Variants in ZFAT observed in about 807,000 individuals in gnomAD.
ZFAT encodes zinc finger and AT-hook domain containing, also known as zinc finger protein ZFAT.
Under a neutral mutation model 117.7 loss-of-function variants are expected in ZFAT, and 64 were observed. That is an observed-to-expected ratio of 0.54 (90% confidence interval 0.44 to 0.67). ZFAT has a LOEUF of 0.67. ZFAT is among the 30% of genes least tolerant of loss of function. The pLI is 0.00. For synonymous variants in ZFAT, 679 were observed against 615.0 expected, an observed-to-expected ratio of 1.10 and a Z score of -1.54; for missense variants, 1,433 against 1,584.5, an observed-to-expected ratio of 0.90 and a Z score of 1.62.
chr8:134,481,774 A>C (rs532099905), intron 15 of ZFAT, among the ~76,000 whole-genome samples: 5 of 152,180 alleles, frequency 3.3e-5, no homozygotes, highest in Non-Finnish European at 7.4e-5. Context: ...AGCGTGCCTG[A>C]CCTGAAGGTA....
chr8:134,779,651 G>C, the ZFAT span, among the ~76,000 whole-genome samples: 3 of 152,078 alleles, frequency 2.0e-5, no homozygotes, highest in Non-Finnish European at 4.4e-5. Context: ...AAAAATCATT[G>C]CCAAAAGACA....
intron 9 of ZFAT, among the ~76,000 whole-genome samples, chr8:134,587,658 G>A (rs73365329): frequency 0.012 from 1,803 of 152,256 alleles, 40 homozygotes; most frequent in African/African-American, 0.041. Flanking sequence ...TGCCCTAGTA[G>A]AATCTTCACT....
At chr8:134,798,964 T>C in the ZFAT span, among the ~76,000 whole-genome samples, 3 of 152,176 alleles carry the variant, frequency 2.0e-5, no homozygotes, top group Non-Finnish European at 4.4e-5. Flanking sequence ...TTGTAATGCA[T>C]TGCAATATGT....
intron 13 of ZFAT, among the ~76,000 whole-genome samples, chr8:134,520,651 T>A (rs1289354968): frequency 1.3e-5 from 2 of 152,000 alleles, no homozygotes; most frequent in East Asian, 3.9e-4. Context: ...AACACAAACT[T>A]TCACAAGAGA....
At chr8:134,751,241 T>C in the ZFAT span, among the ~76,000 whole-genome samples, 1 of 152,158 alleles carries the variant, frequency 6.6e-6, no homozygotes, top group Non-Finnish European at 1.5e-5. Flanking sequence ...GAGTTGGGAT[T>C]CAAGTGGTCT....
the ZFAT span, among the ~76,000 whole-genome samples, chr8:134,790,471 G>A: frequency 0.031 from 4,778 of 152,144 alleles, 240 homozygotes; most frequent in African/African-American, 0.11. Context: ...TAGCCGTTAG[G>A]GGGTAATTTG....
chr8:134,713,894 TCAA>T (rs1385302455), upstream of ZFAT, among the ~76,000 whole-genome samples: 12 of 134 alleles, frequency 0.09, no homozygotes, highest in Admixed American at 0.25. Context: ...CTTACCTCTG[TCAA>T]TGGTCACCCC....
rs188020381 is a variant in ZFAT, at chr8:134,700,507, G to A, written c.19+12338C>T. On this transcript the variant is annotated intron_variant, in intron 1 of 15. Coordinates refer to ENST00000377838, the MANE Select transcript of ZFAT (RefSeq NM_020863.4). Reference sequence around the variant, plus strand: ...TGGCACCTCCAGCAGGAGAGCAGCCGGCTGAGCACACTCCCCTCCCTCCAC... The same window carrying A: ...TGGCACCTCCAGCAGGAGAGCAGCCAGCTGAGCACACTCCCCTCCCTCCAC... Among the ~76,000 whole-genome samples, 107 of 152,288 alleles carry A rather than the reference G, an allele frequency of 7.0e-4. No individual in the cohort carries two copies. In the South Asian group the frequency reaches 0.01, roughly 14 times the overall value.
intron 11 of ZFAT, among the ~76,000 whole-genome samples, chr8:134,548,272 T>C (rs573139774): frequency 4.1e-4 from 63 of 152,324 alleles, no homozygotes; most frequent in African/African-American, 1.4e-3. Flanking sequence ...ATATAACCCA[T>C]TGATGCTGTT....
intron 1 of ZFAT, among the ~76,000 whole-genome samples, chr8:134,671,378 G>A (rs531331666): frequency 2.2e-4 from 33 of 152,130 alleles, no homozygotes; most frequent in East Asian, 5.8e-4. Context: ...AACCGAATCC[G>A]GCAGCACATC....
At chr8:134,752,701 G>A in the ZFAT span, among the ~76,000 whole-genome samples, 1 of 152,128 alleles carries the variant, frequency 6.6e-6, no homozygotes, top group Non-Finnish European at 1.5e-5. Flanking sequence ...TTTGATGTCT[G>A]GTGAGAACTC....
intron 3 of ZFAT, among the ~76,000 whole-genome samples, chr8:134,629,565 G>A: frequency 6.6e-6 from 1 of 152,048 alleles, no homozygotes; most frequent in East Asian, 1.9e-4. Flanking sequence ...TCATGGGGGT[G>A]GATTTCCTCC....
At chr8:134,623,416 C>T (rs191747091) in intron 3 of ZFAT, among the ~76,000 whole-genome samples, 32 of 152,340 alleles carry the variant, frequency 2.1e-4, no homozygotes, top group African/African-American at 7.5e-4. Context: ...CTAGACTCCA[C>T]GTGGGGCGGC....
chr8:134,556,941 T>C (rs1823670410), intron 11 of ZFAT, among the ~76,000 whole-genome samples: 1 of 151,946 alleles, frequency 6.6e-6, no homozygotes, highest in Admixed American at 6.5e-5. Context: ...GCTTTTTTAA[T>C]TTTAAATATT....
At chr8:134,620,133 T>C (rs1194938836) in intron 3 of ZFAT, among the ~76,000 whole-genome samples, 2 of 152,212 alleles carry the variant, frequency 1.3e-5, no homozygotes, top group East Asian at 3.9e-4. Flanking sequence ...ATTTTTGCTT[T>C]CACCACAGGC....
chr8:134,817,811 C>T, the ZFAT span, among the ~76,000 whole-genome samples: 1 of 152,290 alleles, frequency 6.6e-6, no homozygotes, highest in African/African-American at 2.4e-5. Context: ...CAGTGCAGCA[C>T]TGGTGTCAAG....
At chr8:134,701,994 T>C (rs1301787489) in intron 1 of ZFAT, among the ~76,000 whole-genome samples, 3 of 152,186 alleles carry the variant, frequency 2.0e-5, no homozygotes, top group Admixed American at 6.5e-5. Context: ...TAATGGGTTA[T>C]GATGGGAGTA....
At chr8:134,818,839 C>A in the ZFAT span, among the ~76,000 whole-genome samples, 6 of 152,086 alleles carry the variant, frequency 3.9e-5, no homozygotes, top group African/African-American at 1.4e-4. Context: ...AGTAGCCAGA[C>A]AAAAGGAGTG....
intron 11 of ZFAT, among the ~76,000 whole-genome samples, chr8:134,536,385 T>A (rs1289194679): frequency 6.6e-6 from 1 of 152,182 alleles, no homozygotes; most frequent in Non-Finnish European, 1.5e-5. Flanking sequence ...CAGGGGGAGT[T>A]AGGAAGATAA....
Sources: gnomAD v4.1 joint callset for allele counts (sites outside exome capture counted in the v4.1 genomes callset) on GRCh38, gnomAD v4.1.1 for gene constraint, MANE v1.5 for transcripts, NCBI Gene and HGNC (gene_info 2026-07-23, HGNC 2026-07-21) for gene names.